The following SSBP2 variants were observed in gnomAD, a reference collection of about 807,000 sequenced individuals.
The protein encoded by SSBP2 is single stranded DNA binding protein 2, also known as single-stranded DNA-binding protein 2.
SSBP2 carries 17 observed loss-of-function variants against 61.8 expected under a neutral mutation model. The ratio of observed to expected loss-of-function variants is 0.28; its 90% CI spans 0.19 to 0.41. The LOEUF is 0.41. Among genes scored for constraint, SSBP2 ranks in the 10% least tolerant of loss-of-function variants. The pLI is 1.00. For missense variants in SSBP2, 310 were observed against 458.7 expected (o/e 0.68, Z 2.96); for synonymous variants, 139 against 141.3 (o/e 0.98, Z 0.12).
intron 4 of SSBP2, among the ~76,000 whole-genome samples, chr5:81,561,311 A>G (rs1315015900): frequency 6.6e-6 from 1 of 152,186 alleles, no homozygotes; most frequent in Non-Finnish European, 1.5e-5. Flanking sequence ...AACAACAATG[A>G]GCTTATCTCT....
intron 4 of SSBP2, among the ~76,000 whole-genome samples, chr5:81,570,975 A>T (rs1316302921): frequency 6.6e-6 from 1 of 152,138 alleles, no homozygotes; most frequent in Admixed American, 6.6e-5. Flanking sequence ...GACAACTATC[A>T]CATCTGTTTT....
At chr5:81,734,898 G>C (rs967485129) in intron 1 of SSBP2, among the ~76,000 whole-genome samples, 1 of 150,656 alleles carries the variant, frequency 6.6e-6, no homozygotes, top group Non-Finnish European at 1.5e-5. Context: ...GTGAACCCGG[G>C]AGGAGGAGCT....
At chr5:81,621,768 A>G (rs1404188547) in intron 3 of SSBP2, among the ~76,000 whole-genome samples, 2 of 89,284 alleles carry the variant, frequency 2.2e-5, no homozygotes, top group Non-Finnish European at 4.4e-5. Flanking sequence ...ATGGAATACT[A>G]TGCAGCCATA....
At chr5:81,441,981 A>G (rs1368454394) in intron 13 of SSBP2, among the ~76,000 whole-genome samples, 2 of 152,230 alleles carry the variant, frequency 1.3e-5, no homozygotes, top group East Asian at 3.9e-4. Flanking sequence ...ATAGGTATGT[A>G]TGTTTGGTCA....
chr5:81,685,969 A>G (rs1405088506), intron 1 of SSBP2, among the ~76,000 whole-genome samples: 1 of 152,254 alleles, frequency 6.6e-6, no homozygotes, highest in Non-Finnish European at 1.5e-5. Context: ...TATGTAAATA[A>G]AATTCTTCAA....
At chr5:81,549,702 A>G (rs972110436) in intron 4 of SSBP2, among the ~76,000 whole-genome samples, 3 of 152,230 alleles carry the variant, frequency 2.0e-5, no homozygotes, top group Non-Finnish European at 2.9e-5. Context: ...CCGTAATTTT[A>G]CTGATCATTT....
chr5:81,421,907 G>A (rs1390823921), intron 16 of SSBP2, among the ~76,000 whole-genome samples: 5 of 152,220 alleles, frequency 3.3e-5, no homozygotes, highest in African/African-American at 1.2e-4. Flanking sequence ...TGTAGCTAGT[G>A]GTTACCATTT....
upstream of SSBP2, chr5:81,751,521 C>G (rs1757778857): frequency 6.2e-6 from 1 of 160,932 alleles, no homozygotes; most frequent in Non-Finnish European, 1.4e-5. Flanking sequence ...AGTCTCCGGC[C>G]GGAGCCGGCG....
intron 1 of SSBP2, among the ~76,000 whole-genome samples, chr5:81,707,111 A>T (rs1451991470): frequency 6.6e-6 from 1 of 152,176 alleles, no homozygotes; most frequent in Non-Finnish European, 1.5e-5. Context: ...GTATTAAATT[A>T]ATTTCCTCTG....
At chr5:81,462,275 G>GC (rs1414552175) in intron 9 of SSBP2, among the ~76,000 whole-genome samples, 1 of 152,220 alleles carries the variant, frequency 6.6e-6, no homozygotes, top group African/African-American at 2.4e-5. Flanking sequence ...TGGCCCACAG[G>GC]CCACAGGTTG....
chr5:81,541,051 A>C (rs1358805609), intron 4 of SSBP2, among the ~76,000 whole-genome samples: 1 of 152,170 alleles, frequency 6.6e-6, no homozygotes, highest in African/African-American at 2.4e-5. Flanking sequence ...GGAGCTGATA[A>C]ACTACATCAG....
intron 5 of SSBP2, among the ~76,000 whole-genome samples, chr5:81,494,841 GAAACGC>G (rs1169128629): frequency 6.6e-6 from 1 of 151,752 alleles, no homozygotes; most frequent in Non-Finnish European, 1.5e-5. Flanking sequence ...TACTCTAATA[GAAACGC>G]AAACCAAATG....
chr5:81,721,559 G>A (rs1191442216), intron 1 of SSBP2, among the ~76,000 whole-genome samples: 1 of 151,988 alleles, frequency 6.6e-6, no homozygotes, highest in African/African-American at 2.4e-5. Flanking sequence ...TAATTCTTTA[G>A]CAGTTCAGTA....
At position 81,446,348 on chromosome 5, in the gene SSBP2, T is replaced by C. The variant is rs539840012; in HGVS notation, c.778+520A>G. On this transcript the variant is annotated intron_variant, in intron 12 of 16. Transcript: ENST00000320672. ...ATTATGAAAACATTGAAGTATGTTT[T>C]AGTTTAGAAGATAAAAAACTTTTAT... 1.9e-4 allele frequency among the ~76,000 whole-genome samples: 29 copies of C among 152,336 alleles called. No homozygotes were observed. The East Asian group carries it at 5.6e-3, about 29-fold the overall frequency.
intron 4 of SSBP2, among the ~76,000 whole-genome samples, chr5:81,576,871 A>C (rs1774253108): frequency 6.6e-6 from 1 of 152,104 alleles, no homozygotes; most frequent in South Asian, 2.1e-4. Flanking sequence ...CAATAAAATA[A>C]TTGCATTCAA....
chr5:81,728,469 C>T (rs1227681586), intron 1 of SSBP2, among the ~76,000 whole-genome samples: 2 of 152,012 alleles, frequency 1.3e-5, no homozygotes, highest in East Asian at 3.9e-4. Context: ...GAACATTGGT[C>T]GAGGAGTCAG....
At chr5:81,566,511 C>T (rs1487052702) in intron 4 of SSBP2, among the ~76,000 whole-genome samples, 1 of 152,096 alleles carries the variant, frequency 6.6e-6, no homozygotes, top group African/African-American at 2.4e-5. Flanking sequence ...TGTGAGGCTT[C>T]CCCAGCTACG....
chr5:81,705,313 A>T (rs536319269), intron 1 of SSBP2, among the ~76,000 whole-genome samples: 27 of 152,320 alleles, frequency 1.8e-4, no homozygotes, highest in Admixed American at 1.5e-3. Flanking sequence ...GCCAATTAAT[A>T]GAGTATAATT....
intron 15 of SSBP2, among the ~76,000 whole-genome samples, chr5:81,436,120 G>C (rs538873841): frequency 6.6e-6 from 1 of 150,856 alleles, no homozygotes; most frequent in African/African-American, 2.4e-5. Flanking sequence ...CCCGGGAAGG[G>C]GAGGTTGCAG....
Sources: gnomAD v4.1 joint callset for allele counts (sites outside exome capture counted in the v4.1 genomes callset) on GRCh38, gnomAD v4.1.1 for gene constraint, MANE v1.5 for transcripts, NCBI Gene and HGNC (gene_info 2026-07-23, HGNC 2026-07-21) for gene names.